The following JAK1 variants were observed in gnomAD, a reference collection of about 807,000 sequenced individuals.
The protein encoded by JAK1 is Janus kinase 1.
Under a neutral mutation model 136.6 loss-of-function variants are expected in JAK1, and 16 were observed. The observed-to-expected ratio is 0.12, with a 90% confidence interval of 0.08 to 0.18. The LOEUF is 0.18. Ranked by LOEUF, JAK1 falls within the 10% of genes least tolerant of loss-of-function variation. The pLI, the probability that JAK1 is intolerant of heterozygous loss-of-function variation, is 1.00. For missense variants in JAK1, 859 were observed against 1,450.1 expected (o/e 0.59, Z 6.62); for synonymous variants, 492 against 519.5 (o/e 0.95, Z 0.72).
rs775754425 is a variant in JAK1 at position 64,873,574 on chromosome 1, G to A, written c.330-51C>T. 3.7e-6 allele frequency: 6 copies of A among 1,609,192 alleles called. No homozygotes were observed. The South Asian group carries it at 6.6e-5, about 18-fold the overall frequency. ...ATTGTGGCAAAGGGGACCCAGATGTGGGCAGGGCGTCCTGGCTCACCAACA... is the reference window on the plus strand; with the variant it reads ...ATTGTGGCAAAGGGGACCCAGATGTAGGCAGGGCGTCCTGGCTCACCAACA... On this transcript the variant is annotated intron_variant, in intron 4 of 24. Transcript: ENST00000342505.
chr1:64,852,754 C>T (rs1177745562), intron 11 of JAK1, among the ~76,000 whole-genome samples: 1 of 152,188 alleles, frequency 6.6e-6, no homozygotes, highest in Non-Finnish European at 1.5e-5. Flanking sequence ...ATGGGGGCCA[C>T]AGTTGTGTCC....
intron 4 of JAK1, among the ~76,000 whole-genome samples, chr1:64,878,567 A>G (rs12137756): frequency 0.14 from 2,552 of 18,208 alleles, 31 homozygotes; most frequent in African/African-American, 0.24. Context: ...GTGTGTATAT[A>G]TATATATATA....
At chr1:64,840,699 G>A (rs1328490329) in intron 19 of JAK1, among the ~76,000 whole-genome samples, 2 of 152,120 alleles carry the variant, frequency 1.3e-5, no homozygotes, top group Non-Finnish European at 2.9e-5. Context: ...CAGCATGGGG[G>A]CGTGTGCCTG....
chr1:64,983,534 A>C (rs1179609109), intron 2 of JAK1, among the ~76,000 whole-genome samples: 2 of 152,244 alleles, frequency 1.3e-5, no homozygotes, highest in African/African-American at 2.4e-5. Flanking sequence ...CCTAAAGAAC[A>C]AAATGGAGAA....
chr1:64,947,344 C>G (rs936281951), intron 1 of JAK1, among the ~76,000 whole-genome samples: 9 of 152,222 alleles, frequency 5.9e-5, no homozygotes, highest in African/African-American at 2.2e-4. Flanking sequence ...AGTGTCCCAC[C>G]TGACCCCCAT....
intron 1 of JAK1, among the ~76,000 whole-genome samples, chr1:64,958,916 T>C (rs1483562337): frequency 6.6e-6 from 1 of 152,254 alleles, no homozygotes; most frequent in Admixed American, 6.5e-5. Flanking sequence ...TTCTACTTTA[T>C]ATTCAGACCA....
At chr1:65,016,812 T>A (rs1389570883) in intron 2 of JAK1, among the ~76,000 whole-genome samples, 3 of 151,566 alleles carry the variant, frequency 2.0e-5, no homozygotes, top group African/African-American at 7.3e-5. Context: ...GCAGGAGAAT[T>A]GCTTGAACCC....
At chr1:64,955,261 A>G (rs982620853) in intron 1 of JAK1, among the ~76,000 whole-genome samples, 1 of 152,174 alleles carries the variant, frequency 6.6e-6, no homozygotes, top group African/African-American at 2.4e-5. Flanking sequence ...CTGCAAAAGA[A>G]CAGAAGCACA....
rs368674910 is a variant in JAK1 at position 64,883,215 on chromosome 1, C to A, written c.205+62G>T. ...GCAGCGCTACAAGGGGCAGAGACCC[C>A]CAGATCTTCTGAACTAGTGTGTTGG... is the stretch of plus-strand genomic sequence containing the variant. On this transcript the variant is annotated intron_variant, in intron 3 of 24. Transcript: ENST00000342505. 7.9e-5 allele frequency: 110 copies of A among 1,388,728 alleles called. No individual in the cohort carries two copies. The African/African-American group carries it at 1.5e-3, about 19-fold the overall frequency. 86.0% of individuals were successfully genotyped at this position (1,388,728 alleles called of 1,614,324 possible).
intron 2 of JAK1, among the ~76,000 whole-genome samples, chr1:65,002,874 C>G (rs957112696): frequency 4.6e-5 from 7 of 152,238 alleles, no homozygotes; most frequent in Non-Finnish European, 1.0e-4. Flanking sequence ...GTCTCTGCCC[C>G]CGGGAGGGGA....
At chr1:64,864,029 A>G (rs944669853) in intron 8 of JAK1, among the ~76,000 whole-genome samples, 1 of 152,238 alleles carries the variant, frequency 6.6e-6, no homozygotes. Flanking sequence ...GTTATTCTGA[A>G]TACAAGAGAG....
chr1:64,845,717 AC>A lies in JAK1; in HGVS notation c.1988-78del. The A allele has an allele frequency of 1.9e-5, 29 of 1,545,904 alleles. No individual in the cohort carries two copies. In the South Asian group the frequency reaches 3.0e-4, roughly 16 times the overall value. On this transcript the variant is annotated intron_variant, in intron 14 of 24. Transcript: ENST00000342505. ...CTCCTTCATCCCCTTACGACAGTCC[AC>A]TTCAGTGGACACTACTCGGCCTCAG... is the stretch of plus-strand genomic sequence containing the variant.
intron 1 of JAK1, among the ~76,000 whole-genome samples, chr1:65,057,316 T>C (rs1030517933): frequency 6.6e-6 from 1 of 152,232 alleles, no homozygotes; most frequent in African/African-American, 2.4e-5. Context: ...GAGATTGGCA[T>C]TGGCAGAATC....
intron 5 of JAK1, among the ~76,000 whole-genome samples, chr1:64,872,031 C>G (rs2101149091): frequency 6.6e-6 from 1 of 152,344 alleles, no homozygotes; most frequent in Admixed American, 6.5e-5. Flanking sequence ...TCCCCATCAC[C>G]CTCCTCTGGT....
chr1:64,883,289 C>A lies in JAK1; in HGVS notation c.193G>T (p.Ala65Ser), dbSNP rs761628399. The A allele has an allele frequency of 6.2e-7, 1 of 1,613,528 alleles. No homozygotes were observed. Among genetic ancestry groups the A allele is most frequent in the South Asian group, 1.1e-5 (1 of 90,988 alleles). ...YTAEELCIRA[A>S]QACRISPLCH... is the part of the protein sequence containing the mutation. ...TGCCAGTACTCACGGCATGCCTGTGCAGCCCTGATGCACAGTTCCTCTGCT... is the reference window on the plus strand; with the variant it reads ...TGCCAGTACTCACGGCATGCCTGTGAAGCCCTGATGCACAGTTCCTCTGCT... Residue 65 changes from alanine to serine, a missense_variant, in exon 3 of 25, where the codon GCA (alanine) becomes TCA (serine). Physicochemically the swap from Ala to Ser is moderately conservative, Grantham distance 99. Transcript: ENST00000342505.
At chr1:64,857,153 G>T (rs1655992248) in intron 10 of JAK1, among the ~76,000 whole-genome samples, 1 of 152,154 alleles carries the variant, frequency 6.6e-6, no homozygotes, top group South Asian at 2.1e-4. Context: ...TCTATTCATT[G>T]TTCTAAGATG....
intron 1 of JAK1, among the ~76,000 whole-genome samples, chr1:65,051,153 A>C (rs905707086): frequency 6.6e-6 from 1 of 151,376 alleles, no homozygotes. Flanking sequence ...TAGTGCTATT[A>C]GAATAGCTTG....
chr1:64,995,558 C>T (rs1269601825), intron 2 of JAK1, among the ~76,000 whole-genome samples: 3 of 151,946 alleles, frequency 2.0e-5, no homozygotes, highest in African/African-American at 4.8e-5. Flanking sequence ...TTTAATAATG[C>T]GAAAATACTG....
intron 1 of JAK1, among the ~76,000 whole-genome samples, chr1:64,896,768 G>A (rs768259712): frequency 3.9e-5 from 6 of 152,166 alleles, no homozygotes; most frequent in African/African-American, 7.2e-5. Context: ...TCTGGAGAAG[G>A]TCTAAGAGTG....
Sources: allele counts gnomAD v4.1 joint callset (sites outside exome capture counted in the v4.1 genomes callset), GRCh38; gene constraint gnomAD v4.1.1; transcripts MANE v1.5; gene names NCBI Gene and HGNC (gene_info 2026-07-23, HGNC 2026-07-21).